LHFPL6: variants seen among roughly 807,000 people sequenced by gnomAD.
LHFPL6 encodes LHFPL tetraspan subfamily member 6 protein.
Under a neutral mutation model 20.6 loss-of-function variants are expected in LHFPL6, and 9 were observed. The ratio of observed to expected loss-of-function variants is 0.44; its 90% CI spans 0.26 to 0.76. LHFPL6 has a LOEUF of 0.76. Among genes scored for constraint, LHFPL6 ranks in the 30% least tolerant of loss-of-function variants. The probability of loss-of-function intolerance (pLI) is 0.20; values close to 1 mark genes in which losing one functional copy is unlikely to be tolerated. For synonymous variants in LHFPL6, 105 were observed against 98.7 expected, an observed-to-expected ratio of 1.06 and a Z score of -0.38; for missense variants, 218 against 253.5, an observed-to-expected ratio of 0.86 and a Z score of 0.95.
At chr13:39,546,772 A>T (rs926013788) in intron 2 of LHFPL6, among the ~76,000 whole-genome samples, 2 of 151,838 alleles carry the variant, frequency 1.3e-5, no homozygotes, top group African/African-American at 4.8e-5. Flanking sequence ...CTATTTCTCT[A>T]TTCCATGTCT....
At chr13:39,453,159 T>TTCTTA (rs1872492780) in intron 2 of LHFPL6, among the ~76,000 whole-genome samples, 1 of 152,230 alleles carries the variant, frequency 6.6e-6, no homozygotes, top group Admixed American at 6.5e-5. Flanking sequence ...GTTGAGGTCA[T>TTCTTA]TCTTGCCCCT....
intron 3 of LHFPL6, among the ~76,000 whole-genome samples, chr13:39,361,657 T>C (rs1011644634): frequency 5.3e-5 from 8 of 152,226 alleles, no homozygotes; most frequent in Non-Finnish European, 1.2e-4. Context: ...TCATTTGTTA[T>C]ATTTTGCAAG....
At chr13:39,563,351 C>G (rs9548824) in intron 2 of LHFPL6, among the ~76,000 whole-genome samples, 51,665 of 151,830 alleles carry the variant, frequency 0.34, 9,931 homozygotes, top group Non-Finnish European at 0.43. Flanking sequence ...TCCATGCTGC[C>G]CCAAGTCACT....
At chr13:39,463,733 CT>C in intron 2 of LHFPL6, among the ~76,000 whole-genome samples, 1 of 152,156 alleles carries the variant, frequency 6.6e-6, no homozygotes, top group East Asian at 1.9e-4. Context: ...AGTTTTCATT[CT>C]TTATAGTGGG....
At chr13:39,573,936 A>T (rs1280441178) in intron 2 of LHFPL6, among the ~76,000 whole-genome samples, 6 of 152,182 alleles carry the variant, frequency 3.9e-5, no homozygotes, top group Non-Finnish European at 8.8e-5. Context: ...TACGGGTCCA[A>T]GGCACCTTCT....
intron 2 of LHFPL6, among the ~76,000 whole-genome samples, chr13:39,592,397 A>C (rs1872634127): frequency 6.6e-6 from 1 of 152,204 alleles, no homozygotes; most frequent in South Asian, 2.1e-4. Flanking sequence ...TCCTCAACAC[A>C]TACACCCTCC....
At chr13:39,526,708 C>A (rs924603590) in intron 2 of LHFPL6, among the ~76,000 whole-genome samples, 1 of 152,178 alleles carries the variant, frequency 6.6e-6, no homozygotes, top group Non-Finnish European at 1.5e-5. Context: ...TTCATCCTGC[C>A]GCAGCTCACT....
chr13:39,429,577 C>A (rs1427722801), intron 2 of LHFPL6, among the ~76,000 whole-genome samples: 1 of 151,998 alleles, frequency 6.6e-6, no homozygotes, highest in Non-Finnish European at 1.5e-5. Context: ...GCCTGTATTT[C>A]TATTTAATGT....
intron 2 of LHFPL6, among the ~76,000 whole-genome samples, chr13:39,441,776 G>A (rs1872141327): frequency 6.6e-6 from 1 of 150,792 alleles, no homozygotes; most frequent in South Asian, 2.1e-4. Context: ...GCTTCCCAAA[G>A]AGCTGGGATT....
At chr13:39,461,393 G>A (rs188282426) in intron 2 of LHFPL6, among the ~76,000 whole-genome samples, 2 of 152,292 alleles carry the variant, frequency 1.3e-5, no homozygotes, top group Admixed American at 6.5e-5. Flanking sequence ...TCTCTTTCAA[G>A]CTCTTTGAGA....
chr13:39,431,581 T>A (rs181501540), intron 2 of LHFPL6, among the ~76,000 whole-genome samples: 152 of 152,232 alleles, frequency 1.0e-3, no homozygotes, highest in African/African-American at 3.6e-3. Context: ...AAACTTAACA[T>A]ATCTGAAACT....
chr13:39,355,287 C>T (rs184666524), intron 3 of LHFPL6, among the ~76,000 whole-genome samples: 1 of 151,982 alleles, frequency 6.6e-6, no homozygotes, highest in African/African-American at 2.4e-5. Flanking sequence ...TCATTCTAGC[C>T]AAACTAAACT....
chr13:39,385,608 T>C (rs1251260747), intron 2 of LHFPL6, among the ~76,000 whole-genome samples: 2 of 152,242 alleles, frequency 1.3e-5, no homozygotes, highest in Non-Finnish European at 2.9e-5. Context: ...AATTGTTTCT[T>C]TGAATTTGAG....
At chr13:39,422,599 A>G (rs201966491) in intron 2 of LHFPL6, among the ~76,000 whole-genome samples, 2 of 120,138 alleles carry the variant, frequency 1.7e-5, no homozygotes, top group African/African-American at 5.4e-5. Flanking sequence ...AAAAAAAAAA[A>G]AAAAAGAAGA....
At chr13:39,588,945 T>C (rs898143591) in intron 2 of LHFPL6, among the ~76,000 whole-genome samples, 5 of 152,220 alleles carry the variant, frequency 3.3e-5, no homozygotes, top group South Asian at 4.1e-4. Flanking sequence ...AATATTTTTA[T>C]ACATGCTTTG....
At position 39,601,129 on chromosome 13, in the gene LHFPL6, G is replaced by A. The variant is rs1326675503; in HGVS notation, c.88C>T (p.Pro30Ser). ...AGCTGTGATCCCCAGAGCCAGTAAG[G>A]CATAAAGAACCCCACGCAGGAGGTG... ...AATSCVGFFMPYWLWGSQLGK... is the reference protein window; with the variant it reads ...AATSCVGFFMSYWLWGSQLGK... Residue 30 changes from proline (P) to serine (S), a missense_variant, in exon 2 of 4, where the codon CCT becomes TCT. Transcript: ENST00000379589. 2 of 1,614,040 alleles carry A rather than the reference G, an allele frequency of 1.2e-6. No homozygotes were observed. Among genetic ancestry groups the A allele is most frequent in the Non-Finnish European group, 1.7e-6 (2 of 1,180,046 alleles).
At chr13:39,406,876 T>C (rs925964245) in intron 2 of LHFPL6, among the ~76,000 whole-genome samples, 15 of 152,200 alleles carry the variant, frequency 9.9e-5, no homozygotes, top group East Asian at 9.6e-4. Flanking sequence ...CTGGGAGTGG[T>C]TGAGTATCAA....
intron 2 of LHFPL6, among the ~76,000 whole-genome samples, chr13:39,431,721 G>C (rs575557218): frequency 6.8e-5 from 10 of 147,594 alleles, no homozygotes; most frequent in Admixed American, 6.7e-4. Context: ...AATTTGTGGG[G>C]GGGGGGGGCT....
At chr13:39,351,387 T>C (rs989795128) in intron 3 of LHFPL6, among the ~76,000 whole-genome samples, 1 of 151,448 alleles carries the variant, frequency 6.6e-6, no homozygotes, top group African/African-American at 2.5e-5. Flanking sequence ...CTCAAATAAA[T>C]AGCAAAGCTT....
Sources: allele counts gnomAD v4.1 joint callset (sites outside exome capture counted in the v4.1 genomes callset), GRCh38; gene constraint gnomAD v4.1.1; transcripts MANE v1.5; gene names NCBI Gene and HGNC (gene_info 2026-07-23, HGNC 2026-07-21).